CEP83: variants seen among roughly 807,000 people sequenced by gnomAD.
CEP83 encodes the protein centrosomal protein 83, also known as centrosomal protein of 83 kDa.
CEP83 carries 70 observed loss-of-function variants against 101.9 expected under a neutral mutation model. That is an observed-to-expected ratio of 0.69 (90% CI 0.57 to 0.84). CEP83 has a LOEUF of 0.84. CEP83 is among the 40% of genes least tolerant of loss of function. The pLI, the probability that CEP83 is intolerant of heterozygous loss-of-function variation, is 0.00. For missense variants in CEP83, 715 were observed against 787.2 expected (o/e 0.91, Z 1.10); for synonymous variants, 264 against 267.9 (o/e 0.99, Z 0.14).
In CEP83 at chr12:94,395,711, C is replaced by T. The variant is rs544796980; in HGVS notation, c.549+5139G>A. The stretch of plus-strand genomic sequence containing the variant: ...TGGTGGGTGCCTGTAGTCCCAGCTA[C>T]TCGGGAGGCTGAGGCAGGAGAATGG... On this transcript the variant is annotated intron_variant, in intron 6 of 16. Coordinates refer to ENST00000397809, the MANE Select transcript of CEP83 (RefSeq NM_016122.3). Among the ~76,000 whole-genome samples the T allele has an allele frequency of 4.6e-5, 7 of 152,258 alleles. No individual in the cohort carries two copies. The East Asian group carries it at 9.6e-4, about 21-fold the overall frequency.
chr12:94,304,092 G>A (rs1187065868), downstream of CEP83: 3 of 1,209,216 alleles, frequency 2.5e-6, no homozygotes, highest in South Asian at 2.6e-5. Flanking sequence ...TTTGAATCAG[G>A]CACAAGGATG....
rs146516759 is a variant in CEP83 at position 94,317,628 on chromosome 12, A to G, written c.1708-4611T>C. The stretch of plus-strand genomic sequence containing the variant: ...AAGAGGTCTAGTTTCAATCTTCTGC[A>G]TATGGCTAGCTGTTTATCCCAGCAC... On this transcript the variant is annotated intron_variant, in intron 14 of 16. Transcript: ENST00000397809. 9.4e-4 allele frequency among the ~76,000 whole-genome samples: 143 copies of G among 152,308 alleles called. 1 individual carries two copies. The highest frequency in any genetic ancestry group is 5.0e-3 in the East Asian group (26 of 5,190).
At chr12:94,434,287 AAG>A (rs1402678094) in intron 2 of CEP83, among the ~76,000 whole-genome samples, 1 of 152,244 alleles carries the variant, frequency 6.6e-6, no homozygotes, top group African/African-American at 2.4e-5. Flanking sequence ...ACTAAAAAAT[AAG>A]AGATATGAAA....
At chr12:94,373,151 T>A (rs1357266492) in intron 8 of CEP83, among the ~76,000 whole-genome samples, 1 of 152,148 alleles carries the variant, frequency 6.6e-6, no homozygotes, top group Admixed American at 6.5e-5. Context: ...AATGCTCATG[T>A]TAAAATGTTG....
At chr12:94,283,559 G>A in the CEP83 span, among the ~76,000 whole-genome samples, 1 of 152,176 alleles carries the variant, frequency 6.6e-6, no homozygotes, top group African/African-American at 2.4e-5. Flanking sequence ...GGAGACGGGA[G>A]TTTTATTATT....
At chr12:94,309,051 A>G (rs1969422539) in intron 16 of CEP83, 134 bp from the exon 17 acceptor site, 3 of 610,108 alleles carry the variant, frequency 4.9e-6, no homozygotes, top group Admixed American at 2.9e-5. Context: ...CAGTCTAAAA[A>G]CAGTAGCATG....
At chr12:94,382,598 C>T (rs2061910680) in intron 6 of CEP83, among the ~76,000 whole-genome samples, 1 of 151,726 alleles carries the variant, frequency 6.6e-6, no homozygotes. Context: ...GAAATTTCCA[C>T]CTTGACCCAT....
intron 11 of CEP83, among the ~76,000 whole-genome samples, chr12:94,351,090 C>G (rs1234290942): frequency 6.6e-6 from 1 of 152,082 alleles, no homozygotes; most frequent in Non-Finnish European, 1.5e-5. Flanking sequence ...AAAAAAAAAT[C>G]CACTTAATCA....
At chr12:94,415,804 T>A (rs1566139423) in intron 2 of CEP83, among the ~76,000 whole-genome samples, 2 of 152,024 alleles carry the variant, frequency 1.3e-5, no homozygotes, top group Admixed American at 1.3e-4. Flanking sequence ...TTTAAAAAAA[T>A]AATCAGTAAG....
the CEP83 span, among the ~76,000 whole-genome samples, chr12:94,290,699 G>A: frequency 6.6e-6 from 1 of 152,214 alleles, no homozygotes; most frequent in Non-Finnish European, 1.5e-5. Context: ...TGCTAGGTGG[G>A]CTAGTACATT....
Position 94,412,383 on chromosome 12 carries a change from A to T in CEP83, c.108T>A (p.Ile36=), listed in dbSNP as rs1259063474. The T allele has an allele frequency of 1.9e-6, 3 of 1,613,086 alleles. No homozygotes were observed. Among genetic ancestry groups the T allele is most frequent in the Non-Finnish European group, 1.7e-6 (2 of 1,179,494 alleles). The change falls in exon 3 of 17, where the codon ATT becomes ATA. Residue 36 remains isoleucine, a synonymous_variant. Coordinates refer to ENST00000397809, the MANE Select transcript of CEP83 (RefSeq NM_016122.3). ...GSQSEFQKML[I]DERLRCEHHK... Reference sequence around the variant, plus strand: ...GATGCTCACATCGTAACCTTTCATCAATTAACATTTTCTGGAACTCCGACT... The same window carrying T: ...GATGCTCACATCGTAACCTTTCATCTATTAACATTTTCTGGAACTCCGACT...
At chr12:94,282,117 T>C in the CEP83 span, 1 of 526,480 alleles carries the variant, frequency 1.9e-6, no homozygotes. Flanking sequence ...ATCAGAGCCC[T>C]AAACAAACAA....
intron 2 of CEP83, among the ~76,000 whole-genome samples, chr12:94,429,788 G>A (rs1038223672): frequency 2.6e-5 from 4 of 152,144 alleles, no homozygotes; most frequent in Non-Finnish European, 5.9e-5. Context: ...CCACCACCAG[G>A]ACTAAAATGT....
chr12:94,284,123 A>G, the CEP83 span, among the ~76,000 whole-genome samples: 5 of 151,652 alleles, frequency 3.3e-5, no homozygotes, highest in African/African-American at 1.2e-4. Context: ...GGTTTGCAAA[A>G]TATCTCAAGC....
the CEP83 span, among the ~76,000 whole-genome samples, chr12:94,299,650 A>G: frequency 6.6e-6 from 1 of 151,916 alleles, no homozygotes; most frequent in Admixed American, 6.6e-5. Context: ...ACCTCTGCCT[A>G]CTGGGCTCAA....
chr12:94,451,654 T>A (rs2067262647), intron 1 of CEP83, among the ~76,000 whole-genome samples: 1 of 152,084 alleles, frequency 6.6e-6, no homozygotes, highest in Admixed American at 6.5e-5. Context: ...TAATACCAAC[T>A]GTTGGTGAGG....
chr12:94,397,991 T>A (rs1235135831), intron 6 of CEP83, among the ~76,000 whole-genome samples: 1 of 152,190 alleles, frequency 6.6e-6, no homozygotes, highest in African/African-American at 2.4e-5. Flanking sequence ...GGTTTTGTGT[T>A]GACCACACAC....
At chr12:94,338,784 T>C (rs1257852524) in intron 11 of CEP83, among the ~76,000 whole-genome samples, 1 of 152,030 alleles carries the variant, frequency 6.6e-6, no homozygotes, top group Non-Finnish European at 1.5e-5. Flanking sequence ...GTAGGTGAAC[T>C]GGAGGGCCAA....
chr12:94,355,272 T>A (rs1435610419), intron 11 of CEP83, among the ~76,000 whole-genome samples: 1 of 152,002 alleles, frequency 6.6e-6, no homozygotes, highest in Non-Finnish European at 1.5e-5. Context: ...GGCGGGTGGA[T>A]CACGAGGTCA....
Sources: gnomAD v4.1 joint callset for allele counts (sites outside exome capture counted in the v4.1 genomes callset) on GRCh38, gnomAD v4.1.1 for gene constraint, MANE v1.5 for transcripts, NCBI Gene and HGNC (gene_info 2026-07-23, HGNC 2026-07-21) for gene names.